The following DNAH2 variants were observed in gnomAD, a reference collection of about 807,000 sequenced individuals.
The protein encoded by DNAH2 is axonemal beta dynein heavy chain 2.
Under a neutral mutation model 523.5 loss-of-function variants are expected in DNAH2, and 323 were observed. That is an observed-to-expected ratio of 0.62 (90% CI 0.56 to 0.68). The LOEUF is 0.68. Among genes scored for constraint, DNAH2 ranks in the 30% least tolerant of loss-of-function variants. The probability of loss-of-function intolerance (pLI) is 0.00; values close to 1 mark genes in which losing one functional copy is unlikely to be tolerated. For missense variants in DNAH2, 4,907 were observed against 5,701.5 expected, an observed-to-expected ratio of 0.86 and a Z score of 4.49; for synonymous variants, 2,093 against 2,177.4, an observed-to-expected ratio of 0.96 and a Z score of 1.08.
chr17:7,750,066 G>C (rs1327114697), intron 12 of DNAH2, among the ~76,000 whole-genome samples: 2 of 152,020 alleles, frequency 1.3e-5, no homozygotes. Flanking sequence ...ATTTCGCTCT[G>C]TTGCCCAGGA....
Position 7,786,427 on chromosome 17 carries a change from C to A in DNAH2, c.6348+85C>A, listed in dbSNP as rs1163805782. 7.9e-6 allele frequency: 12 copies of A among 1,518,872 alleles called. No homozygotes were observed. The East Asian group carries it at 2.7e-4, about 35-fold the overall frequency. 94.1% of individuals were successfully genotyped at this position (1,518,872 alleles called of 1,614,324 possible). ...AGGGTGGGGGCCAGGGAGGACCTTG[C>A]AAGGCCGGGAGAGCTGTACCTGGGA... On this transcript the variant is annotated intron_variant, in intron 40 of 85. Coordinates refer to ENST00000572933, the MANE Select transcript of DNAH2 (RefSeq NM_020877.5). This position sits in a 1 kb window ranked among gnomAD's most constrained non-coding sequence, Gnocchi z 7.5.
In DNAH2 at chr17:7,813,734, A is replaced by G. The variant is rs140105112; in HGVS notation, c.9730-2837A>G. Among the ~76,000 whole-genome samples, 751 of 151,980 alleles carry G rather than the reference A, an allele frequency of 4.9e-3. 9 individuals are homozygous for G. The East Asian group carries it at 0.051, about 10-fold the overall frequency. ...ACCAGCCTGGCCAACATGTTGAAAC[A>G]CTGTCTCTACTAGAAATACAAAAAT... On this transcript the variant is annotated intron_variant, in intron 63 of 85. Coordinates refer to ENST00000572933, the MANE Select transcript of DNAH2 (RefSeq NM_020877.5).
intron 42 of DNAH2, chr17:7,787,395 GA>G: frequency 3.0e-6 from 1 of 331,082 alleles, no homozygotes; most frequent in South Asian, 5.1e-5. Context: ...GCGAGCAAGA[GA>G]GTGATTTTTC....
chr17:7,826,377 G>T (rs1160143802), intron 77 of DNAH2, among the ~76,000 whole-genome samples: 1 of 152,098 alleles, frequency 6.6e-6, no homozygotes, highest in East Asian at 1.9e-4. Context: ...GCCCCCAGTT[G>T]CCAGTTTGGG....
At chr17:7,772,660 G>A (rs746838394) in intron 28 of DNAH2, among the ~76,000 whole-genome samples, 40 of 152,184 alleles carry the variant, frequency 2.6e-4, no homozygotes, top group Non-Finnish European at 4.7e-4. Flanking sequence ...AATCAATCAA[G>A]GCCTGAGGTA....
At chr17:7,820,467 C>T (rs1261105001) in intron 72 of DNAH2, among the ~76,000 whole-genome samples, 1 of 152,194 alleles carries the variant, frequency 6.6e-6, no homozygotes, top group Non-Finnish European at 1.5e-5. Context: ...GGGGCCTGAG[C>T]GTCCCTGACT....
At chr17:7,768,430 A>T (rs1345961125) in intron 24 of DNAH2, among the ~76,000 whole-genome samples, 163 bp downstream of exon 24, 1 of 152,168 alleles carries the variant, frequency 6.6e-6, no homozygotes, top group Non-Finnish European at 1.5e-5. Context: ...TTTAATTTTG[A>T]TGGACGCATG....
chr17:7,759,978 A>G, intron 17 of DNAH2, 40 bp downstream of exon 17: 1 of 1,613,654 alleles, frequency 6.2e-7, no homozygotes, highest in Non-Finnish European at 8.5e-7. Context: ...ACAGGGTTTC[A>G]GAGGCTGTCG....
chr17:7,782,003 T>C (rs2076616022), intron 39 of DNAH2, among the ~76,000 whole-genome samples: 1 of 152,218 alleles, frequency 6.6e-6, no homozygotes, highest in South Asian at 2.1e-4. Flanking sequence ...ATAACATCCT[T>C]TTTAATGCAT....
chr17:7,793,607 T>A (rs1468390495), intron 48 of DNAH2, among the ~76,000 whole-genome samples: 2 of 151,716 alleles, frequency 1.3e-5, no homozygotes, highest in African/African-American at 4.8e-5. Flanking sequence ...CTTGCTATGT[T>A]GCCAAGGCTG....
At chr17:7,787,228 G>T in intron 42 of DNAH2, 195 bp downstream of exon 42, 1 of 729,568 alleles carries the variant, frequency 1.4e-6, no homozygotes, top group Non-Finnish European at 2.2e-6. Context: ...TGAGAACAAT[G>T]ATAAGAAAAA....
Position 7,823,850 on chromosome 17 carries a change from C to T in DNAH2, c.11346C>T (p.Ala3782=). The T allele has an allele frequency of 6.2e-7, 1 of 1,614,132 alleles. No homozygotes were observed. Reference sequence around the variant, plus strand: ...CATCCCCAGGTGAGTGGGAAAATGCCTGCAATGAAATGCAACGGATGCTGA... The same window carrying T: ...CATCCCCAGGTGAGTGGGAAAATGCTTGCAATGAAATGCAACGGATGCTGA... ...KAMLPGEWEN[A]CNEMQRMLIV... The change falls in exon 75 of 86, where the codon GCC becomes GCT. Residue 3782 remains alanine (A), a synonymous_variant. Transcript: ENST00000572933.
chr17:7,760,946 G>A lies in DNAH2; in HGVS notation c.2978+14G>A. The A allele has an allele frequency of 1.2e-6, 2 of 1,603,716 alleles. No homozygotes were observed. Among genetic ancestry groups the A allele is most frequent in the Non-Finnish European group, 1.7e-6 (2 of 1,170,644 alleles). On this transcript the variant is annotated intron_variant, in intron 18 of 85. Transcript: ENST00000572933. This position sits in a 1 kb window ranked among gnomAD's most constrained non-coding sequence, Gnocchi z 4.0. The stretch of plus-strand genomic sequence containing the variant: ...CGACATTGCCCGGTGAGTGGTGAGG[G>A]TGGATTGAAAGTCTGTCTGTAGGAG...
rs553917948 is a variant in DNAH2, at chr17:7,773,334, C to T, written c.4502-1425C>T. Among the ~76,000 whole-genome samples, 5 of 152,274 alleles carry T rather than the reference C, an allele frequency of 3.3e-5. No homozygotes were observed. In the South Asian group the frequency reaches 1.0e-3, roughly 32 times the overall value. Reference sequence around the variant, plus strand: ...CTAGATTGTGTAAGTGGAGGGTAATCTCTACTTTTCAGAAGCTCTTGGGTT... The same window carrying T: ...CTAGATTGTGTAAGTGGAGGGTAATTTCTACTTTTCAGAAGCTCTTGGGTT... On this transcript the variant is annotated intron_variant, in intron 28 of 85. Coordinates refer to ENST00000572933, the MANE Select transcript of DNAH2 (RefSeq NM_020877.5).
At chr17:7,758,766 T>C in intron 14 of DNAH2, 115 bp downstream of exon 14, 1 of 1,557,886 alleles carries the variant, frequency 6.4e-7, no homozygotes, top group Non-Finnish European at 8.7e-7. Flanking sequence ...TAAGTTTGCT[T>C]GGGGAAGGAC....
In DNAH2 at chr17:7,778,395, T is replaced by C; in HGVS notation, c.5467T>C (p.Tyr1823His). Residue 1823 changes from tyrosine to histidine, a missense_variant, in exon 35 of 86, where the codon TAT becomes CAT. Physicochemically the swap from Tyr to His is moderately conservative, Grantham distance 83. Coordinates refer to ENST00000572933, the MANE Select transcript of DNAH2 (RefSeq NM_020877.5). Reference protein sequence around the residue: ...VKDLGKALGIYVIVVNCSEGL... With the variant: ...VKDLGKALGIHVIVVNCSEGL... Reference sequence around the variant, plus strand: ...GGACCTGGGCAAGGCCCTGGGCATATATGTCATTGTGGTCAACTGCTCTGA... The same window carrying C: ...GGACCTGGGCAAGGCCCTGGGCATACATGTCATTGTGGTCAACTGCTCTGA... 6.2e-7 allele frequency: 1 copy of C among 1,614,210 alleles called. No individual in the cohort carries two copies. Among genetic ancestry groups the C allele is most frequent in the Non-Finnish European group, 8.5e-7 (1 of 1,180,034 alleles).
intron 28 of DNAH2, 47 bp downstream of exon 28, chr17:7,771,515 C>T: frequency 6.2e-7 from 1 of 1,609,474 alleles, no homozygotes; most frequent in Non-Finnish European, 8.5e-7. Context: ...GGCAGGCACT[C>T]TGCTTGGTCA....
In DNAH2 at chr17:7,746,077, C is replaced by T. The variant is rs193240325; in HGVS notation, c.1904+2935C>T. ...AAAGGTCCTCACAAAGAATGAACAA[C>T]CAAGAAGCATTCTTGCCCCCTTCAA... is the stretch of plus-strand genomic sequence containing the variant. On this transcript the variant is annotated intron_variant, in intron 12 of 85. Transcript: ENST00000572933. 2.6e-5 allele frequency among the ~76,000 whole-genome samples: 4 copies of T among 152,296 alleles called. No homozygotes were observed. The East Asian group carries it at 7.7e-4, about 29-fold the overall frequency.
At chr17:7,735,059 T>C (rs976600401) in intron 7 of DNAH2, among the ~76,000 whole-genome samples, 1 of 152,160 alleles carries the variant, frequency 6.6e-6, no homozygotes, top group Non-Finnish European at 1.5e-5. Flanking sequence ...AATACCTTTT[T>C]TCTTTGTTTG....
Sources: gnomAD v4.1 joint callset for allele counts (sites outside exome capture counted in the v4.1 genomes callset) on GRCh38, gnomAD v4.1.1 for gene constraint, Gnocchi (gnomAD v3.1) non-coding constraint, MANE v1.5 for transcripts, NCBI Gene and HGNC (gene_info 2026-07-23, HGNC 2026-07-21) for gene names.